Variants in TRPS1 observed in about 807,000 individuals in gnomAD.
TRPS1 encodes the protein transcriptional repressor GATA binding 1, also known as zinc finger transcription factor Trps1.
TRPS1 carries 6 observed loss-of-function variants against 101.2 expected under a neutral mutation model. That is an observed-to-expected ratio of 0.06 (90% CI 0.03 to 0.12). The LOEUF (loss-of-function observed/expected upper bound fraction) is 0.12. TRPS1 is among the 10% of genes least tolerant of loss of function. TRPS1 has a pLI of 1.00. For synonymous variants in TRPS1, 578 were observed against 589.8 expected (o/e 0.98, Z 0.29); for missense variants, 1,363 against 1,567.0 (o/e 0.87, Z 2.20).
chr8:115,454,781 A>G (rs951163393), intron 5 of TRPS1, among the ~76,000 whole-genome samples: 6 of 152,166 alleles, frequency 3.9e-5, no homozygotes, highest in Non-Finnish European at 7.4e-5. Context: ...AAATTGTTAC[A>G]ATGCATGAAA....
At chr8:115,513,046 T>C (rs2130192397) in intron 5 of TRPS1, among the ~76,000 whole-genome samples, 1 of 151,836 alleles carries the variant, frequency 6.6e-6, no homozygotes, top group African/African-American at 2.4e-5. Flanking sequence ...AGAAACCTGT[T>C]ACAAAAATAT....
chr8:115,568,620 A>T (rs1041582795), intron 5 of TRPS1, among the ~76,000 whole-genome samples: 1 of 152,178 alleles, frequency 6.6e-6, no homozygotes, highest in Admixed American at 6.6e-5. Context: ...TAAAAAATAT[A>T]TCAGAAAATT....
At chr8:115,605,883 A>C (rs568448552) in intron 3 of TRPS1, among the ~76,000 whole-genome samples, 1 of 152,264 alleles carries the variant, frequency 6.6e-6, no homozygotes, top group East Asian at 1.9e-4. Flanking sequence ...ACTTTGCATA[A>C]AATCCTTCCT....
In TRPS1 at chr8:115,413,362, G is replaced by A. The variant is rs984102361; in HGVS notation, c.*661C>T. The A allele has an allele frequency of 2.0e-5, 3 of 152,604 alleles. No individual in the cohort carries two copies. The highest frequency in any genetic ancestry group is 7.2e-5 in the African/African-American group (3 of 41,442). 9.5% of individuals were successfully genotyped at this position (152,604 alleles called of 1,614,324 possible). On this transcript the variant is annotated 3_prime_UTR_variant, in exon 7 of 7. Coordinates refer to ENST00000395715, the MANE Select transcript of TRPS1 (RefSeq NM_014112.5). ...CTAAAGGACAAAAATATCAGAGAGG[G>A]TGTGCATGTGTATGTACAGGCAGGG...
At chr8:115,499,902 G>A (rs1026492796) in intron 5 of TRPS1, among the ~76,000 whole-genome samples, 1 of 150,924 alleles carries the variant, frequency 6.6e-6, no homozygotes, top group African/African-American at 2.5e-5. Flanking sequence ...GATGACATCT[G>A]GAAAAGTGCT....
intron 1 of TRPS1, chr8:115,661,631 G>A (rs991715480): frequency 2.0e-5 from 3 of 151,966 alleles, no homozygotes; most frequent in Non-Finnish European, 2.9e-5. Context: ...AATCTCTCAG[G>A]AACCAAGATA....
In TRPS1 at chr8:115,530,575, T is replaced by C. The variant is rs182084332; in HGVS notation, c.2700+56426A>G. Among the ~76,000 whole-genome samples, 148 of 152,258 alleles carry C rather than the reference T, an allele frequency of 9.7e-4. 1 individual carries two copies. Among genetic ancestry groups the C allele is most frequent in the South Asian group, 6.8e-3 (33 of 4,826 alleles). ...AAATGCAGTAATTACAGGAGAAACATAACCCATTTGTCAGGGTTGTCAATT... is the reference window on the plus strand; with the variant it reads ...AAATGCAGTAATTACAGGAGAAACACAACCCATTTGTCAGGGTTGTCAATT... On this transcript the variant is annotated intron_variant, in intron 5 of 6. Coordinates refer to ENST00000395715, the MANE Select transcript of TRPS1 (RefSeq NM_014112.5).
chr8:115,617,593 C>A (rs1010906647), intron 3 of TRPS1, among the ~76,000 whole-genome samples: 1 of 152,180 alleles, frequency 6.6e-6, no homozygotes, highest in Non-Finnish European at 1.5e-5. Flanking sequence ...GACTGAAACG[C>A]CTGCCGGAAA....
chr8:115,587,418 A>G lies in TRPS1; in HGVS notation c.2283T>C (p.Asn761=). The G allele has an allele frequency of 6.2e-7, 1 of 1,614,098 alleles. No homozygotes were observed. Residue 761 remains asparagine (N), a synonymous_variant, in exon 5 of 7, where the codon AAT becomes AAC. Transcript: ENST00000395715. ...EEPKIDFRVY[N]LLTPDSKMGE... is the part of the protein sequence containing the mutation. ...CCATTTTAGAGTCTGGAGTTAGCAG[A>G]TTGTAGACCCTGAAGTCAATTTTGG...
At chr8:115,586,843 T>TA in intron 5 of TRPS1, 158 bp downstream of exon 5, 1 of 1,215,150 alleles carries the variant, frequency 8.2e-7, no homozygotes, top group Admixed American at 1.9e-5. Context: ...ACACATGAGT[T>TA]ACTTGCTGCC....
chr8:115,563,005 A>G (rs1816983618), intron 5 of TRPS1, among the ~76,000 whole-genome samples: 1 of 151,700 alleles, frequency 6.6e-6, no homozygotes, highest in African/African-American at 2.4e-5. Flanking sequence ...GGCAAATAGC[A>G]TGATCGAGTA....
chr8:115,661,137 T>C (rs1285974531), intron 1 of TRPS1, among the ~76,000 whole-genome samples: 1 of 152,078 alleles, frequency 6.6e-6, no homozygotes, highest in Non-Finnish European at 1.5e-5. Context: ...TTTCTTACAA[T>C]ACACTGAAAG....
chr8:115,523,747 C>G (rs951473475), intron 5 of TRPS1, among the ~76,000 whole-genome samples: 1 of 152,096 alleles, frequency 6.6e-6, no homozygotes, highest in Non-Finnish European at 1.5e-5. Context: ...TCCGTTGATA[C>G]ATGGATGAGT....
intron 4 of TRPS1, among the ~76,000 whole-genome samples, chr8:115,595,976 C>A (rs1013211865): frequency 6.6e-6 from 1 of 151,662 alleles, no homozygotes; most frequent in African/African-American, 2.4e-5. Flanking sequence ...GTATTATAAG[C>A]AACTGATTTA....
chr8:115,570,177 G>A (rs925000731), intron 5 of TRPS1, among the ~76,000 whole-genome samples: 10 of 151,616 alleles, frequency 6.6e-5, no homozygotes, highest in African/African-American at 2.2e-4. Flanking sequence ...ATTGTTATAC[G>A]AACCCTAAAT....
chr8:115,623,815 A>G (rs1249793530), intron 1 of TRPS1, 57 bp from the exon 2 acceptor site: 19 of 1,385,128 alleles, frequency 1.4e-5, no homozygotes, highest in Non-Finnish European at 1.6e-5. Flanking sequence ...ACATATTTTC[A>G]TGTATCACAC....
chr8:115,560,389 C>T (rs1816919001), intron 5 of TRPS1, among the ~76,000 whole-genome samples: 1 of 152,034 alleles, frequency 6.6e-6, no homozygotes. Context: ...AGAAAAGAAA[C>T]AAAGACTGTT....
intron 5 of TRPS1, among the ~76,000 whole-genome samples, chr8:115,486,097 A>G (rs1277596291): frequency 1.3e-5 from 2 of 152,182 alleles, no homozygotes; most frequent in Non-Finnish European, 2.9e-5. Flanking sequence ...TAAAGGAGCC[A>G]TTTTCCCAAC....
chr8:115,620,235 C>A (rs1406500401), intron 2 of TRPS1, among the ~76,000 whole-genome samples, 175 bp from the exon 3 acceptor site: 1 of 150,814 alleles, frequency 6.6e-6, no homozygotes, highest in Non-Finnish European at 1.5e-5. Context: ...CTAAAACAAA[C>A]AATTTACATT....
Sources: allele counts gnomAD v4.1 joint callset (sites outside exome capture counted in the v4.1 genomes callset), GRCh38; gene constraint gnomAD v4.1.1; transcripts MANE v1.5; gene names NCBI Gene and HGNC (gene_info 2026-07-23, HGNC 2026-07-21).